BMPR1B: variants seen among roughly 807,000 people sequenced by gnomAD.
BMPR1B encodes the protein bone morphogenetic protein receptor type-1B.
Under a neutral mutation model 59.1 loss-of-function variants are expected in BMPR1B, and 12 were observed. The ratio of observed to expected loss-of-function variants is 0.20; its 90% CI spans 0.13 to 0.33. BMPR1B has a LOEUF of 0.33. Among genes scored for constraint, BMPR1B ranks in the 10% least tolerant of loss-of-function variants. BMPR1B has a pLI of 1.00. For missense variants in BMPR1B, 550 were observed against 610.9 expected, an observed-to-expected ratio of 0.90 and a Z score of 1.05; for synonymous variants, 237 against 207.3, an observed-to-expected ratio of 1.14 and a Z score of -1.23.
At chr4:94,818,084 A>G (rs1724074775) in intron 1 of BMPR1B, among the ~76,000 whole-genome samples, 1 of 152,158 alleles carries the variant, frequency 6.6e-6, no homozygotes, top group Admixed American at 6.5e-5. Flanking sequence ...GAGGGCCAGT[A>G]TTCTGGATTA....
chr4:94,777,850 A>AC (rs1256152425), intron 1 of BMPR1B, among the ~76,000 whole-genome samples: 1 of 151,788 alleles, frequency 6.6e-6, no homozygotes, highest in East Asian at 1.9e-4. Context: ...ACATGATGAA[A>AC]CCCTGTCTCT....
chr4:94,891,231 C>T (rs1234739335), intron 2 of BMPR1B, among the ~76,000 whole-genome samples: 2 of 151,988 alleles, frequency 1.3e-5, no homozygotes, highest in East Asian at 1.9e-4. Context: ...CCACTTACAT[C>T]TTATTGCTGA....
chr4:95,047,432 G>A (rs544660959), intron 3 of BMPR1B, among the ~76,000 whole-genome samples: 1 of 152,308 alleles, frequency 6.6e-6, no homozygotes, highest in East Asian at 1.9e-4. Context: ...GAGTTGGCCT[G>A]ATGTATTTCT....
At chr4:94,905,285 C>A (rs184433953) in intron 2 of BMPR1B, among the ~76,000 whole-genome samples, 50 of 152,114 alleles carry the variant, frequency 3.3e-4, no homozygotes, top group African/African-American at 1.1e-3. Flanking sequence ...ACAGGCATAG[C>A]AAATATCCCA....
At chr4:95,069,748 TA>T (rs1209218497) in intron 3 of BMPR1B, among the ~76,000 whole-genome samples, 9 of 152,242 alleles carry the variant, frequency 5.9e-5, no homozygotes, top group Non-Finnish European at 1.0e-4. Flanking sequence ...CAGAGCCTGG[TA>T]CCTGGAAGGT....
At chr4:94,801,506 C>A (rs759414978) in intron 1 of BMPR1B, among the ~76,000 whole-genome samples, 16 of 152,328 alleles carry the variant, frequency 1.1e-4, no homozygotes, top group Middle Eastern at 6.8e-3. Flanking sequence ...AAGATTCCAT[C>A]ACTTATCACA....
chr4:95,132,213 G>C (rs973559142), intron 10 of BMPR1B, among the ~76,000 whole-genome samples: 3 of 152,120 alleles, frequency 2.0e-5, no homozygotes, highest in African/African-American at 4.8e-5. Context: ...AAATGAGCTT[G>C]CAAACCACTG....
At chr4:94,974,605 T>C (rs1272524724) in intron 2 of BMPR1B, among the ~76,000 whole-genome samples, 1 of 152,230 alleles carries the variant, frequency 6.6e-6, no homozygotes, top group Non-Finnish European at 1.5e-5. Flanking sequence ...GAAGACTGAG[T>C]AAAGCTGTAA....
chr4:95,091,764 A>C (rs1730008427), intron 3 of BMPR1B: 4 of 765,456 alleles, frequency 5.2e-6, no homozygotes, highest in African/African-American at 1.9e-5. Context: ...ATAGATGGTG[A>C]AATAGACTAA....
intron 1 of BMPR1B, among the ~76,000 whole-genome samples, chr4:94,777,855 G>A (rs142707615): frequency 7.2e-5 from 11 of 151,926 alleles, no homozygotes; most frequent in East Asian, 1.9e-4. Flanking sequence ...ATGAAACCCT[G>A]TCTCTACTAA....
intron 2 of BMPR1B, among the ~76,000 whole-genome samples, chr4:94,944,505 C>T (rs911449558): frequency 6.6e-6 from 1 of 152,066 alleles, no homozygotes; most frequent in African/African-American, 2.4e-5. Flanking sequence ...GAACATGATT[C>T]AATTCATGCT....
In BMPR1B at chr4:95,148,621, T is replaced by C. The variant is rs1213323655; in HGVS notation, c.1077-127T>C. ...GCAAGAAATATTCTTTAAGAAATTG[T>C]TTTTATTCCCTGGAAAGTTTTTCTT... is the stretch of plus-strand genomic sequence containing the variant. On this transcript the variant is annotated intron_variant, in intron 10 of 12. Transcript: ENST00000515059. 2.4e-5 allele frequency: 23 copies of C among 952,570 alleles called. No individual in the cohort carries two copies. In the Admixed American group the frequency reaches 3.7e-4, roughly 16 times the overall value. 59.0% of individuals were successfully genotyped at this position (952,570 alleles called of 1,614,324 possible). A position where few individuals can be genotyped will look rare whatever the true frequency, so the allele number is the denominator to read the frequency against.
intron 2 of BMPR1B, among the ~76,000 whole-genome samples, chr4:94,931,931 C>T (rs1017705699): frequency 2.0e-5 from 3 of 151,778 alleles, no homozygotes; most frequent in Non-Finnish European, 4.4e-5. Flanking sequence ...TGGGGGATGG[C>T]GAGAAGCAGA....
chr4:95,056,832 T>A (rs1560622024), intron 3 of BMPR1B, among the ~76,000 whole-genome samples: 1 of 152,236 alleles, frequency 6.6e-6, no homozygotes, highest in Non-Finnish European at 1.5e-5. Flanking sequence ...AACCTTTTTC[T>A]CACTCAGGTA....
rs138065483 is a variant in BMPR1B at position 94,761,210 on chromosome 4, G to A, written c.-183+3142G>A. Among the ~76,000 whole-genome samples the A allele has an allele frequency of 1.9e-3, 288 of 152,250 alleles. 4 individuals carry two copies. Among genetic ancestry groups the A allele is most frequent in the African/African-American group, 6.8e-3 (282 of 41,550 alleles). ...ATGTCATCCAATAAAAGCCGTGCATGAAATGTATCACTTTGCAATAACTGA... is the reference window on the plus strand; with the variant it reads ...ATGTCATCCAATAAAAGCCGTGCATAAAATGTATCACTTTGCAATAACTGA... On this transcript the variant is annotated intron_variant, in intron 1 of 12. Transcript: ENST00000515059.
Position 94,799,916 on chromosome 4 carries a change from C to G in BMPR1B, c.-183+41848C>G, listed in dbSNP as rs1560491051. Among the ~76,000 whole-genome samples, 4 of 151,872 alleles carry G rather than the reference C, an allele frequency of 2.6e-5. No individual in the cohort carries two copies. The South Asian group carries it at 6.3e-4, about 24-fold the overall frequency. ...ATGTTGGCCAGGCTGGTCTCAAACT[C>G]ATGGCCTCAAGTGATAACTTGCCGC... On this transcript the variant is annotated intron_variant, in intron 1 of 12. Transcript: ENST00000515059.
At chr4:94,785,659 C>A (rs947496568) in intron 1 of BMPR1B, among the ~76,000 whole-genome samples, 15 of 152,168 alleles carry the variant, frequency 9.9e-5, no homozygotes, top group Admixed American at 4.6e-4. Context: ...GCTATAATTT[C>A]TTTAAGGGAG....
At chr4:94,773,030 G>A (rs912549837) in intron 1 of BMPR1B, among the ~76,000 whole-genome samples, 1 of 152,006 alleles carries the variant, frequency 6.6e-6, no homozygotes, top group South Asian at 2.1e-4. Flanking sequence ...ATAATTTTTC[G>A]TTTGTAATTT....
At chr4:94,928,363 G>A (rs13108056) in intron 2 of BMPR1B, among the ~76,000 whole-genome samples, 53,620 of 151,708 alleles carry the variant, frequency 0.35, 9,733 homozygotes, top group South Asian at 0.47. Flanking sequence ...CCGAATGGGT[G>A]TGTGTAGTTC....
Sources: allele counts gnomAD v4.1 joint callset (sites outside exome capture counted in the v4.1 genomes callset), GRCh38; gene constraint gnomAD v4.1.1; transcripts MANE v1.5; gene names NCBI Gene and HGNC (gene_info 2026-07-23, HGNC 2026-07-21).